The following ALDH8A1 variants were observed in gnomAD, a reference collection of about 807,000 sequenced individuals.
ALDH8A1 encodes the protein aldehyde dehydrogenase 8 family member A1, also known as 2-aminomuconic semialdehyde dehydrogenase.
Under a neutral mutation model 43.3 loss-of-function variants are expected in ALDH8A1, and 39 were observed. The observed-to-expected ratio is 0.90, with a 90% CI of 0.70 to 1.18. The LOEUF (loss-of-function observed/expected upper bound fraction) is 1.18. Among genes scored for constraint, ALDH8A1 ranks in the 50% most tolerant of loss-of-function variants. ALDH8A1 has a pLI of 0.00. For missense variants in ALDH8A1, 605 were observed against 622.6 expected (o/e 0.97, Z 0.30); for synonymous variants, 233 against 243.5 (o/e 0.96, Z 0.40).
At chr6:134,926,349 G>A (rs528258399) in intron 6 of ALDH8A1, among the ~76,000 whole-genome samples, 10 of 151,894 alleles carry the variant, frequency 6.6e-5, no homozygotes, top group South Asian at 2.1e-4. Flanking sequence ...ACAGGCGTGC[G>A]CCACAAGTGC....
intron 6 of ALDH8A1, among the ~76,000 whole-genome samples, chr6:134,924,432 T>G (rs188664829): frequency 1.3e-4 from 20 of 152,320 alleles, no homozygotes; most frequent in Admixed American, 1.3e-3. Context: ...GTGCCTCCAT[T>G]TAATAATAAA....
intron 3 of ALDH8A1, among the ~76,000 whole-genome samples, chr6:134,941,016 C>G (rs894192116): frequency 6.6e-6 from 1 of 151,942 alleles, no homozygotes; most frequent in Non-Finnish European, 1.5e-5. Flanking sequence ...TTTTTTTCTC[C>G]GAGGAAACAG....
At position 134,918,432 on chromosome 6, in the gene ALDH8A1, T is replaced by C. The variant is rs1415335011; in HGVS notation, c.1447A>G (p.Ile483Val). 1.9e-6 allele frequency: 3 copies of C among 1,613,440 alleles called. No homozygotes were observed. Among genetic ancestry groups the C allele is most frequent in the East Asian group, 2.2e-5 (1 of 44,872 alleles). Reference sequence around the variant, plus strand: ...AGCAAAGATCAGTGTTTAACGGTGATGGTTTTGATCTCAGTGAAGAAGTCG... The same window carrying C: ...AGCAAAGATCAGTGTTTAACGGTGACGGTTTTGATCTCAGTGAAGAAGTCG... ...SYDFFTEIKT[I>V]TVKH Residue 483 changes from isoleucine (I) to valine (V), a missense_variant, in exon 7 of 7, where the codon ATC becomes GTC. Physicochemically the swap from Ile to Val is conservative, Grantham distance 29 (BLOSUM62 3). Transcript: ENST00000265605.
Position 134,939,434 on chromosome 6 carries a change from A to C in ALDH8A1, c.443-19T>G, listed in dbSNP as rs776247598. On this transcript the variant is annotated intron_variant, in intron 3 of 6. Transcript: ENST00000265605. ...AGACCAGCTAAGGGATGAGAGCAGA[A>C]GCACTGCCTGTGACGGCATACCCCT... 8 of 1,612,000 alleles carry C rather than the reference A, an allele frequency of 5.0e-6. No homozygotes were observed. The East Asian group carries it at 1.8e-4, about 36-fold the overall frequency.
chr6:134,941,016 C>T (rs894192116), intron 3 of ALDH8A1, among the ~76,000 whole-genome samples: 1 of 151,942 alleles, frequency 6.6e-6, no homozygotes, highest in African/African-American at 2.4e-5. Flanking sequence ...TTTTTTTCTC[C>T]GAGGAAACAG....
At position 134,932,873 on chromosome 6, in the gene ALDH8A1, GA is replaced by G; in HGVS notation, c.751del (p.Ser251ProfsTer54). 6.2e-7 allele frequency: 1 copy of G among 1,614,228 alleles called. No individual in the cohort carries two copies. The highest frequency in any genetic ancestry group is 8.5e-7 in the Non-Finnish European group (1 of 1,180,036). ...AGGATTCTTGCCCCCCAGCTCCAGG[GA>G]GAGCTTTTTGCAGTGGGGAGCGCTC... ...QLSAPHCKKL[S>X]LELGGKNPAI... On this transcript the variant is annotated frameshift_variant, in exon 5 of 7. Transcript: ENST00000265605. LOFTEE classifies it high-confidence loss of function.
chr6:134,943,085 A>T (rs1583035877), intron 2 of ALDH8A1, among the ~76,000 whole-genome samples: 1 of 152,358 alleles, frequency 6.6e-6, no homozygotes, highest in East Asian at 1.9e-4. Context: ...CATGCCCTGC[A>T]CGTCCTAGCT....
chr6:134,934,968 C>T (rs940132038), intron 4 of ALDH8A1, among the ~76,000 whole-genome samples: 19 of 152,064 alleles, frequency 1.2e-4, no homozygotes, highest in Non-Finnish European at 2.4e-4. Context: ...CACCTGTTTC[C>T]CCTTTCATAA....
In ALDH8A1 at chr6:134,918,513, G is replaced by A. The variant is rs757552034; in HGVS notation, c.1366C>T (p.Pro456Ser). 11 of 1,614,160 alleles carry A rather than the reference G, an allele frequency of 6.8e-6. No homozygotes were observed. Among genetic ancestry groups the A allele is most frequent in the Non-Finnish European group, 9.3e-6 (11 of 1,180,022 alleles). Residue 456 changes from proline to serine, a missense_variant, in exon 7 of 7, where the codon CCT becomes TCT. Coordinates refer to ENST00000265605, the MANE Select transcript of ALDH8A1 (RefSeq NM_022568.4). ...NCWLIRELNL[P>S]FGGMKSSGIG... ...CCAGAACTCTTCATCCCCCCGAAAG[G>A]AAGGTTCAGCTCCCTGATGAGCCAG... is the stretch of plus-strand genomic sequence containing the variant.
chr6:134,949,986 G>A lies in ALDH8A1; in HGVS notation c.68C>T (p.Ser23Leu). 3 of 1,613,122 alleles carry A rather than the reference G, an allele frequency of 1.9e-6. No homozygotes were observed. In the South Asian group the frequency reaches 3.3e-5, roughly 18 times the overall value. Residue 23 changes from serine to leucine, a missense_variant, in exon 1 of 7, where the codon TCA becomes TTA. By Grantham distance (145) the Ser-to-Leu change is moderately radical. Coordinates refer to ENST00000265605, the MANE Select transcript of ALDH8A1 (RefSeq NM_022568.4). ...TGATGGGTCGTAAGAATCTATATATGAGCTACAAGGTAAAAATTTTCCATC... is the reference window on the plus strand; with the variant it reads ...TGATGGGTCGTAAGAATCTATATATAAGCTACAAGGTAAAAATTTTCCATC... ...FIDGKFLPCS[S>L]YIDSYDPSTG...
chr6:134,922,222 G>T (rs1243927662), intron 6 of ALDH8A1, among the ~76,000 whole-genome samples: 1 of 152,148 alleles, frequency 6.6e-6, no homozygotes, highest in Admixed American at 6.5e-5. Flanking sequence ...CTCTATGTGG[G>T]AGGGATCAGA....
Position 134,943,899 on chromosome 6 carries a change from C to G in ALDH8A1, c.206G>C (p.Arg69Pro). 1 of 1,614,234 alleles carries G rather than the reference C, an allele frequency of 6.2e-7. No homozygotes were observed. The highest frequency in any genetic ancestry group is 8.5e-7 in the Non-Finnish European group (1 of 1,180,048). ...CGCCACCTGGTTCAGGACCCGTGAG[C>G]GCTCCTGGGGGCTGCGGGATGACCA... is the stretch of plus-strand genomic sequence containing the variant. ...PSWSSRSPQE[R>P]SRVLNQVADL... The change falls in exon 2 of 7, where the codon CGC (arginine) becomes CCC (proline). Residue 69 changes from arginine to proline, a missense_variant. By Grantham distance (103) the Arg-to-Pro change is moderately radical (BLOSUM62 -2). Coordinates refer to ENST00000265605, the MANE Select transcript of ALDH8A1 (RefSeq NM_022568.4).
rs1229459095 is a variant in ALDH8A1, at chr6:134,918,845, G to A, written c.1034C>T (p.Ala345Val). The change falls in exon 7 of 7, where the codon GCT (alanine) becomes GTT (valine). Residue 345 changes from alanine (A) to valine (V), a missense_variant. Coordinates refer to ENST00000265605, the MANE Select transcript of ALDH8A1 (RefSeq NM_022568.4). ...CCAAATTTGGGCACCTTCAGCAAGA[G>A]CTCTCTTGACGTAACTTCTGACCTG... ...LEKVRSYVKRALAEGAQIWCG... is the reference protein window; with the variant it reads ...LEKVRSYVKRVLAEGAQIWCG... 1.2e-6 allele frequency: 2 copies of A among 1,613,978 alleles called. No individual in the cohort carries two copies. The highest frequency in any genetic ancestry group is 1.3e-5 in the African/African-American group (1 of 74,936).
intron 2 of ALDH8A1, among the ~76,000 whole-genome samples, chr6:134,943,590 C>T (rs1583036212): frequency 6.6e-6 from 1 of 152,196 alleles, no homozygotes; most frequent in East Asian, 1.9e-4. Context: ...CTTTGCCCCT[C>T]AGCTTTTGGA....
Position 134,943,823 on chromosome 6 carries a change from G to A in ALDH8A1, c.282C>T (p.Asp94=), listed in dbSNP as rs1475296994. ...LEEFAQAESK[D]QGKTLALART... ...CAGTTAAGAGGCAACTCTCACCTTGGTCTTTAGACTCGGCCTGGGCAAACT... is the reference window on the plus strand; with the variant it reads ...CAGTTAAGAGGCAACTCTCACCTTGATCTTTAGACTCGGCCTGGGCAAACT... Residue 94 remains aspartate (D), a synonymous_variant, in exon 2 of 7, where the codon GAC becomes GAT. Coordinates refer to ENST00000265605, the MANE Select transcript of ALDH8A1 (RefSeq NM_022568.4). 3.7e-6 allele frequency: 6 copies of A among 1,613,916 alleles called. No homozygotes were observed. Among genetic ancestry groups the A allele is most frequent in the East Asian group, 2.2e-5 (1 of 44,888 alleles).
intron 3 of ALDH8A1, chr6:134,940,088 G>C (rs899058587): frequency 1.2e-5 from 3 of 241,036 alleles, no homozygotes; most frequent in Non-Finnish European, 2.5e-5. Context: ...GAGTCGGGGG[G>C]AAGAGCATTA....
chr6:134,945,543 G>A (rs1411456373), intron 1 of ALDH8A1, among the ~76,000 whole-genome samples: 2 of 152,030 alleles, frequency 1.3e-5, no homozygotes, highest in Non-Finnish European at 2.9e-5. Flanking sequence ...TCTTCTCTCC[G>A]GCAATGTCTA....
At chr6:134,940,907 A>G (rs1458597852) in intron 3 of ALDH8A1, among the ~76,000 whole-genome samples, 4 of 152,222 alleles carry the variant, frequency 2.6e-5, no homozygotes, top group Non-Finnish European at 5.9e-5. Context: ...TGCCTTGAAA[A>G]CATAATTTCT....
At position 134,950,072 on chromosome 6, in the gene ALDH8A1, C is replaced by A; in HGVS notation, c.-19G>T. The stretch of plus-strand genomic sequence containing the variant: ...CAGCCATAGCAAGGAAAAATTCTGC[C>A]TTTCCTCTTTACGACTGAGCACTCA... On this transcript the variant is annotated 5_prime_UTR_variant, in exon 1 of 7. The change creates a new upstream start codon in the 5' untranslated region. Transcript: ENST00000265605. The A allele has an allele frequency of 6.2e-7, 1 of 1,602,416 alleles. No homozygotes were observed. The highest frequency in any genetic ancestry group is 8.5e-7 in the Non-Finnish European group (1 of 1,174,308).
Sources: gnomAD v4.1 joint callset for allele counts (sites outside exome capture counted in the v4.1 genomes callset) on GRCh38, gnomAD v4.1.1 for gene constraint, MANE v1.5 for transcripts, NCBI Gene and HGNC (gene_info 2026-07-23, HGNC 2026-07-21) for gene names.